The following CAMKMT variants were observed in gnomAD, a reference collection of about 807,000 sequenced individuals.
CAMKMT encodes the protein calmodulin-lysine N-methyltransferase.
In CAMKMT, 53 loss-of-function variants were observed where a neutral mutation model predicts 48.0. The observed-to-expected ratio is 1.10, with a 90% confidence interval of 0.89 to 1.39. The LOEUF is 1.39. Ranked by LOEUF, CAMKMT falls within the 40% of genes most tolerant of loss-of-function variation. The pLI is 0.00. For missense variants in CAMKMT, 428 were observed against 402.7 expected, an observed-to-expected ratio of 1.06 and a Z score of -0.54; for synonymous variants, 165 against 152.3, an observed-to-expected ratio of 1.08 and a Z score of -0.61.
rs74362431 is a variant in CAMKMT at position 44,690,369 on chromosome 2, A to G, written c.377-13914A>G. Among the ~76,000 whole-genome samples, 1,112 of 152,172 alleles carry G rather than the reference A, an allele frequency of 7.3e-3. 5 individuals carry two copies. Among genetic ancestry groups the G allele is most frequent in the South Asian group, 0.012 (56 of 4,820 alleles). On this transcript the variant is annotated intron_variant, in intron 3 of 10. Coordinates refer to ENST00000378494, the MANE Select transcript of CAMKMT (RefSeq NM_024766.5). ...AAATATGATTTGTCCAAAGTCCCCA[A>G]ATTAGTTATTGACAGAGCTATGAGA...
chr2:44,466,444 C>G (rs973255216), intron 3 of CAMKMT, among the ~76,000 whole-genome samples: 8 of 152,024 alleles, frequency 5.3e-5, no homozygotes, highest in African/African-American at 1.7e-4. Flanking sequence ...TCAAAAAAAT[C>G]ACCAGAGAAA....
intron 3 of CAMKMT, among the ~76,000 whole-genome samples, chr2:44,420,410 GA>G (rs898711806): frequency 2.0e-5 from 3 of 152,032 alleles, no homozygotes; most frequent in African/African-American, 7.2e-5. Flanking sequence ...GTTGACTCTT[GA>G]ACAATGCAGG....
chr2:44,368,725 T>C (rs935185196), intron 1 of CAMKMT, among the ~76,000 whole-genome samples: 6 of 152,240 alleles, frequency 3.9e-5, no homozygotes, highest in East Asian at 1.9e-4. Context: ...TGGAGTTTAA[T>C]TGGGCAAGAT....
chr2:44,763,864 T>C (rs1680721085), intron 9 of CAMKMT, among the ~76,000 whole-genome samples: 2 of 152,200 alleles, frequency 1.3e-5, no homozygotes, highest in African/African-American at 2.4e-5. Context: ...GTGAACATGA[T>C]GATATGCAGC....
At chr2:44,537,516 A>T (rs963556323) in intron 3 of CAMKMT, among the ~76,000 whole-genome samples, 3 of 152,208 alleles carry the variant, frequency 2.0e-5, no homozygotes, top group Admixed American at 6.5e-5. Flanking sequence ...TAAAAAGACA[A>T]AAAATAACAG....
At chr2:44,599,611 T>G (rs1044906397) in intron 3 of CAMKMT, among the ~76,000 whole-genome samples, 2 of 152,208 alleles carry the variant, frequency 1.3e-5, no homozygotes, top group East Asian at 3.9e-4. Context: ...AAATTTTTCT[T>G]AAATAAAAGA....
At chr2:44,367,118 A>C (rs952682765) in intron 1 of CAMKMT, among the ~76,000 whole-genome samples, 5 of 152,212 alleles carry the variant, frequency 3.3e-5, no homozygotes, top group African/African-American at 4.8e-5. Flanking sequence ...GCATAGATTC[A>C]TATATAAATA....
chr2:44,516,175 G>A (rs934702357), intron 3 of CAMKMT, among the ~76,000 whole-genome samples: 1 of 152,014 alleles, frequency 6.6e-6, no homozygotes, highest in Non-Finnish European at 1.5e-5. Flanking sequence ...AACCATGCCC[G>A]TTTACTTAAA....
intron 3 of CAMKMT, among the ~76,000 whole-genome samples, chr2:44,667,017 A>C (rs1675022897): frequency 1.3e-5 from 2 of 152,198 alleles, no homozygotes; most frequent in Non-Finnish European, 2.9e-5. Context: ...GTCTGGTCAT[A>C]TATTGAATCT....
chr2:44,468,052 AAC>A (rs1406826170), intron 3 of CAMKMT, among the ~76,000 whole-genome samples: 2 of 152,204 alleles, frequency 1.3e-5, no homozygotes, highest in African/African-American at 4.8e-5. Context: ...ATAAACAATC[AAC>A]AGAGTGAAAA....
intron 3 of CAMKMT, among the ~76,000 whole-genome samples, chr2:44,563,426 G>A (rs1668434881): frequency 6.6e-6 from 1 of 151,668 alleles, no homozygotes; most frequent in Non-Finnish European, 1.5e-5. Flanking sequence ...CAGTAAAACA[G>A]TAAAGATGAT....
intron 3 of CAMKMT, among the ~76,000 whole-genome samples, chr2:44,592,156 A>G (rs565094660): frequency 3.0e-4 from 46 of 152,198 alleles, no homozygotes; most frequent in Non-Finnish European, 4.4e-4. Flanking sequence ...TGGCACATGT[A>G]TACATATGTA....
intron 3 of CAMKMT, among the ~76,000 whole-genome samples, chr2:44,638,054 CAAACCA>C (rs1323305956): frequency 6.0e-5 from 4 of 66,652 alleles, no homozygotes; most frequent in Admixed American, 2.2e-4. Flanking sequence ...GACTCCATCT[CAAACCA>C]AAAAAAAAAA....
intron 3 of CAMKMT, among the ~76,000 whole-genome samples, chr2:44,519,339 G>A (rs1670984793): frequency 6.6e-6 from 1 of 152,106 alleles, no homozygotes; most frequent in African/African-American, 2.4e-5. Context: ...AGAGATATGT[G>A]TTTGTAGAGA....
intron 7 of CAMKMT, among the ~76,000 whole-genome samples, chr2:44,738,501 C>T (rs868710519): frequency 5.3e-5 from 8 of 152,134 alleles, no homozygotes; most frequent in Non-Finnish European, 8.8e-5. Context: ...CAATAGAAAC[C>T]TCTATTTCTT....
At position 44,551,593 on chromosome 2, in the gene CAMKMT, T is replaced by C. The variant is rs147998462; in HGVS notation, c.377-152690T>C. ...CTGGAACACAGCCAGTCCATTAGCA[T>C]TGAGGCCATGCTTTCTTCAAAACAT... is the stretch of plus-strand genomic sequence containing the variant. On this transcript the variant is annotated intron_variant, in intron 3 of 10. Coordinates refer to ENST00000378494, the MANE Select transcript of CAMKMT (RefSeq NM_024766.5). Among the ~76,000 whole-genome samples the C allele has an allele frequency of 2.0e-3, 306 of 152,314 alleles. 1 individual carries two copies. Among genetic ancestry groups the C allele is most frequent in the African/African-American group, 6.9e-3 (288 of 41,576 alleles).
chr2:44,748,924 G>A (rs913314563), intron 8 of CAMKMT, among the ~76,000 whole-genome samples: 18 of 152,270 alleles, frequency 1.2e-4, no homozygotes, highest in South Asian at 2.1e-4. Context: ...TTCCTTTCTC[G>A]TTAATTCTTA....
At chr2:44,478,724 G>T (rs1668815869) in intron 3 of CAMKMT, among the ~76,000 whole-genome samples, 2 of 147,732 alleles carry the variant, frequency 1.4e-5, no homozygotes, top group East Asian at 2.0e-4. Context: ...TTTTTTGAGA[G>T]GCGTCTCGCT....
chr2:44,429,172 C>G (rs933110724), intron 3 of CAMKMT, among the ~76,000 whole-genome samples: 2 of 152,048 alleles, frequency 1.3e-5, no homozygotes, highest in African/African-American at 4.8e-5. Context: ...TAGACTCAAA[C>G]TGACATCCCT....
Sources: gnomAD v4.1 joint callset for allele counts (sites outside exome capture counted in the v4.1 genomes callset) on GRCh38, gnomAD v4.1.1 for gene constraint, MANE v1.5 for transcripts, NCBI Gene and HGNC (gene_info 2026-07-23, HGNC 2026-07-21) for gene names.